SGCZ: variants seen among roughly 807,000 people sequenced by gnomAD.
SGCZ encodes sarcoglycan zeta.
SGCZ carries 40 observed loss-of-function variants against 41.3 expected under a neutral mutation model. The observed-to-expected ratio is 0.97, with a 90% confidence interval of 0.75 to 1.26. The LOEUF (loss-of-function observed/expected upper bound fraction) is 1.26, where lower values mean the gene tolerates loss of function less well. Among genes scored for constraint, SGCZ ranks in the 50% most tolerant of loss-of-function variants. The pLI, the probability that SGCZ is intolerant of heterozygous loss-of-function variation, is 0.00. For synonymous variants in SGCZ, 206 were observed against 137.5 expected, an observed-to-expected ratio of 1.50 and a Z score of -3.49; for missense variants, 552 against 369.8, an observed-to-expected ratio of 1.49 and a Z score of -4.04.
intron 1 of SGCZ, among the ~76,000 whole-genome samples, chr8:14,609,869 CCTT>C (rs1052014617): frequency 6.6e-6 from 1 of 152,130 alleles, no homozygotes; most frequent in Non-Finnish European, 1.5e-5. Context: ...TTATCTATGA[CCTT>C]CTTATTCTTT....
intron 1 of SGCZ, among the ~76,000 whole-genome samples, chr8:14,873,073 A>T (rs553883851): frequency 6.6e-6 from 1 of 152,164 alleles, no homozygotes; most frequent in African/African-American, 2.4e-5. Context: ...TTTTGGTTAA[A>T]TGTAATAGAA....
intron 2 of SGCZ, among the ~76,000 whole-genome samples, chr8:14,380,836 G>A (rs1804334332): frequency 6.6e-6 from 1 of 152,068 alleles, no homozygotes; most frequent in Admixed American, 6.5e-5. Context: ...TCCAGCCTGG[G>A]CAACAGAGTG....
At position 15,160,739 on chromosome 8, in the gene SGCZ, A is replaced by G. The variant is rs75241100; in HGVS notation, c.39+76846T>C. On this transcript the variant is annotated intron_variant, in intron 1 of 7. Coordinates refer to ENST00000382080, the MANE Select transcript of SGCZ (RefSeq NM_139167.4). The stretch of plus-strand genomic sequence containing the variant: ...ACTAACTTTCCGATCTTCCCCATGA[A>G]TCTGACTTCAATTGGTGCTCTGCTC... 5.9e-3 allele frequency among the ~76,000 whole-genome samples: 901 copies of G among 152,296 alleles called. 23 individuals carry two copies. The East Asian group carries it at 0.077, about 13-fold the overall frequency.
intron 1 of SGCZ, among the ~76,000 whole-genome samples, chr8:15,211,407 C>T (rs908386238): frequency 1.3e-5 from 2 of 151,998 alleles, no homozygotes; most frequent in Admixed American, 6.6e-5. Context: ...TCTCATTGTC[C>T]ATACAACTAT....
chr8:14,666,871 T>C (rs921667940), intron 1 of SGCZ, among the ~76,000 whole-genome samples: 1 of 152,056 alleles, frequency 6.6e-6, no homozygotes, highest in Admixed American at 6.6e-5. Context: ...AAAAGAACTA[T>C]TTTAACGTCC....
At chr8:14,542,378 A>G (rs1345559485) in intron 2 of SGCZ, among the ~76,000 whole-genome samples, 1 of 152,156 alleles carries the variant, frequency 6.6e-6, no homozygotes, top group East Asian at 1.9e-4. Flanking sequence ...TTGCAGAATT[A>G]TGGAATAAAG....
At chr8:14,485,361 C>G (rs567191010) in intron 2 of SGCZ, among the ~76,000 whole-genome samples, 2 of 152,086 alleles carry the variant, frequency 1.3e-5, no homozygotes, top group African/African-American at 4.8e-5. Context: ...CTCAGCCTCC[C>G]GAGTAGCTGG....
chr8:15,224,102 T>A (rs1345645774), intron 1 of SGCZ, among the ~76,000 whole-genome samples: 1 of 152,140 alleles, frequency 6.6e-6, no homozygotes, highest in Non-Finnish European at 1.5e-5. Context: ...GTGATCTGCC[T>A]GCCTTCGCCT....
intron 4 of SGCZ, among the ~76,000 whole-genome samples, chr8:14,201,542 T>C (rs922305732): frequency 2.6e-5 from 4 of 152,188 alleles, no homozygotes; most frequent in African/African-American, 9.6e-5. Flanking sequence ...CTACATATTG[T>C]GTGATTGTAT....
At chr8:14,404,418 C>T (rs1401892012) in intron 2 of SGCZ, among the ~76,000 whole-genome samples, 1 of 152,126 alleles carries the variant, frequency 6.6e-6, no homozygotes, top group Non-Finnish European at 1.5e-5. Context: ...AATTTTTGAG[C>T]ATTCAAAGAG....
At chr8:15,192,891 A>T (rs1056731335) in intron 1 of SGCZ, among the ~76,000 whole-genome samples, 3 of 152,110 alleles carry the variant, frequency 2.0e-5, no homozygotes, top group African/African-American at 7.3e-5. Context: ...GAAAAAAGGA[A>T]CATTTAAAAA....
chr8:14,677,525 T>A (rs1158908593), intron 1 of SGCZ, among the ~76,000 whole-genome samples: 2 of 152,098 alleles, frequency 1.3e-5, no homozygotes, highest in Non-Finnish European at 1.5e-5. Flanking sequence ...TAATCCAGCT[T>A]TTTGAGAGGC....
At chr8:15,105,669 G>A (rs904732073) in intron 1 of SGCZ, among the ~76,000 whole-genome samples, 1 of 152,142 alleles carries the variant, frequency 6.6e-6, no homozygotes, top group African/African-American at 2.4e-5. Context: ...TCTGGGCAGG[G>A]ACACAGAGCC....
chr8:14,792,916 T>C (rs1459859710), intron 1 of SGCZ, among the ~76,000 whole-genome samples: 1 of 152,164 alleles, frequency 6.6e-6, no homozygotes, highest in Non-Finnish European at 1.5e-5. Flanking sequence ...TTTTAAATAC[T>C]ATTGGCATGC....
intron 1 of SGCZ, among the ~76,000 whole-genome samples, chr8:15,034,841 A>C (rs1803816092): frequency 6.6e-6 from 1 of 152,194 alleles, no homozygotes; most frequent in African/African-American, 2.4e-5. Context: ...GTCAACCAAG[A>C]ATATTGTATC....
At chr8:14,890,520 A>G (rs1226555179) in intron 1 of SGCZ, among the ~76,000 whole-genome samples, 4 of 152,226 alleles carry the variant, frequency 2.6e-5, no homozygotes, top group Non-Finnish European at 4.4e-5. Flanking sequence ...GAAGCTCAAC[A>G]AGAAAAGTTT....
At chr8:14,760,152 A>G (rs1191208170) in intron 1 of SGCZ, among the ~76,000 whole-genome samples, 1 of 152,316 alleles carries the variant, frequency 6.6e-6, no homozygotes, top group East Asian at 1.9e-4. Flanking sequence ...AATTATGTAA[A>G]TAAATGACTA....
At chr8:14,258,535 T>C (rs574844994) in intron 3 of SGCZ, among the ~76,000 whole-genome samples, 5 of 152,152 alleles carry the variant, frequency 3.3e-5, no homozygotes, top group African/African-American at 4.8e-5. Context: ...TATGAAGAAA[T>C]ATAACAGAAG....
chr8:14,148,178 T>G, intron 5 of SGCZ, among the ~76,000 whole-genome samples: 1 of 151,900 alleles, frequency 6.6e-6, no homozygotes, highest in South Asian at 2.1e-4. Flanking sequence ...AACCCAAAAT[T>G]AGTAGAAGAA....
Sources: gnomAD v4.1 joint callset for allele counts (sites outside exome capture counted in the v4.1 genomes callset) on GRCh38, gnomAD v4.1.1 for gene constraint, MANE v1.5 for transcripts, NCBI Gene and HGNC (gene_info 2026-07-23, HGNC 2026-07-21) for gene names.